The following ARHGAP10 variants were observed in gnomAD, a reference collection of about 807,000 sequenced individuals.
ARHGAP10 encodes rho GTPase-activating protein 10.
ARHGAP10 carries 87 observed loss-of-function variants against 108.6 expected under a neutral mutation model. That is an observed-to-expected ratio of 0.80 (90% CI 0.67 to 0.96). ARHGAP10 has a LOEUF of 0.96. Ranked by LOEUF, ARHGAP10 falls within the 40% of genes least tolerant of loss-of-function variation. The pLI, the probability that ARHGAP10 is intolerant of heterozygous loss-of-function variation, is 0.00. For synonymous variants in ARHGAP10, 347 were observed against 341.1 expected (o/e 1.02, Z -0.19); for missense variants, 939 against 954.5 (o/e 0.98, Z 0.21).
chr4:147,812,273 T>A (rs917884767), intron 1 of ARHGAP10, among the ~76,000 whole-genome samples: 13 of 152,156 alleles, frequency 8.5e-5, no homozygotes, highest in Non-Finnish European at 7.4e-5. Flanking sequence ...ATGGGGTACT[T>A]GGTTACATAT....
chr4:147,777,535 G>A (rs1418982549), intron 1 of ARHGAP10, among the ~76,000 whole-genome samples: 2 of 152,116 alleles, frequency 1.3e-5, no homozygotes, highest in South Asian at 2.1e-4. Context: ...GATTACAGGC[G>A]TGAGCCACCA....
chr4:148,018,643 T>A (rs1042510785), intron 18 of ARHGAP10, among the ~76,000 whole-genome samples: 3 of 151,958 alleles, frequency 2.0e-5, no homozygotes, highest in Non-Finnish European at 4.4e-5. Flanking sequence ...AGGTAATGCA[T>A]TCTCAGAACA....
rs1399539886 is a variant in ARHGAP10, at chr4:147,879,317, G to A, written c.918G>A (p.Glu306=). The A allele has an allele frequency of 6.8e-6, 11 of 1,613,702 alleles. No individual in the cohort carries two copies. The highest frequency in any genetic ancestry group is 1.7e-5 in the Admixed American group (1 of 59,990). The stretch of plus-strand genomic sequence containing the variant: ...AGAAGTTCAACATGATCCCATTTGA[G>A]CACAGATCTGGAGGGAAACTTGTAA... ...AAKKFNMIPF[E]HRSGGKLGDG... is the part of the protein sequence containing the mutation. Residue 306 remains glutamate, a synonymous_variant, in exon 9 of 23, where the codon GAG becomes GAA. Transcript: ENST00000336498.
At chr4:148,012,492 T>G (rs1418307604) in intron 18 of ARHGAP10, among the ~76,000 whole-genome samples, 3 of 152,194 alleles carry the variant, frequency 2.0e-5, no homozygotes, top group Non-Finnish European at 4.4e-5. Flanking sequence ...TAGACTTAAG[T>G]TGACAGGAGT....
In ARHGAP10 at chr4:147,966,845, A is replaced by AT. The variant is rs576485855; in HGVS notation, c.1716+16dup. 1.5e-3 allele frequency: 2,291 copies of AT among 1,500,384 alleles called. No individual in the cohort carries two copies. The highest frequency in any genetic ancestry group is 4.5e-3 in the South Asian group (348 of 77,422). 92.9% of individuals were successfully genotyped at this position (1,500,384 alleles called of 1,614,324 possible). A position where few individuals can be genotyped will look rare whatever the true frequency, so the allele number is the denominator to read the frequency against. On this transcript the variant is annotated splice_region_variant and intron_variant, in intron 18 of 22. Coordinates refer to ENST00000336498, the MANE Select transcript of ARHGAP10 (RefSeq NM_024605.4). ...TAATTGAAAACCATGAAAAGGTAAA[A>AT]TTTTTTTTTTCTTTAAGAGACTTTG...
intron 5 of ARHGAP10, among the ~76,000 whole-genome samples, chr4:147,859,882 T>A (rs1328580989): frequency 2.0e-5 from 3 of 152,250 alleles, no homozygotes; most frequent in African/African-American, 7.2e-5. Context: ...ATACACTTTT[T>A]AATCTTGCTC....
chr4:147,846,018 T>G (rs867527705), intron 3 of ARHGAP10, among the ~76,000 whole-genome samples: 8 of 152,216 alleles, frequency 5.3e-5, no homozygotes, highest in Middle Eastern at 3.2e-3. Flanking sequence ...TTGTTGCTCT[T>G]AATTCTTTCT....
chr4:147,941,074 G>T (rs915923607), intron 14 of ARHGAP10, among the ~76,000 whole-genome samples: 3 of 152,168 alleles, frequency 2.0e-5, no homozygotes, highest in African/African-American at 7.2e-5. Context: ...AGAATTTAAT[G>T]GGAGTACAGC....
chr4:147,909,884 A>G (rs1027260877), intron 12 of ARHGAP10, 107 bp downstream of exon 12: 22 of 1,066,406 alleles, frequency 2.1e-5, no homozygotes, highest in Non-Finnish European at 2.8e-5. Context: ...TGCACCCTCT[A>G]TTAGACAGAG....
chr4:147,938,732 T>C (rs1161281977), intron 13 of ARHGAP10, among the ~76,000 whole-genome samples: 1 of 152,210 alleles, frequency 6.6e-6, no homozygotes, highest in Non-Finnish European at 1.5e-5. Context: ...TTATTCTGTT[T>C]TGGAAACTTT....
rs1345577622 is a variant in ARHGAP10 at position 147,873,685 on chromosome 4, C to CACACACACACACAA, written c.703-1323_703-1322insAACACACACACACA. Among the ~76,000 whole-genome samples the CACACACACACACAA allele has an allele frequency of 2.8e-4, 37 of 133,510 alleles. 1 individual carries two copies. The East Asian group carries it at 6.5e-3, about 24-fold the overall frequency. 87.6% of individuals were successfully genotyped at this position (133,510 alleles called of 152,430 possible). A position where few individuals can be genotyped will look rare whatever the true frequency, so the allele number is the denominator to read the frequency against. Reference sequence around the variant, plus strand: ...CTACAAAAAAACAAAAAACAAAACACACACACACACACACACACACACACA... The same window carrying CACACACACACACAA: ...CTACAAAAAAACAAAAAACAAAACACACACACACACACAAACACACACACACACACACACACACA... On this transcript the variant is annotated intron_variant, in intron 7 of 22. Coordinates refer to ENST00000336498, the MANE Select transcript of ARHGAP10 (RefSeq NM_024605.4).
rs139446897 is a variant in ARHGAP10 at position 148,064,608 on chromosome 4, C to T, written c.2272+101C>T. The T allele has an allele frequency of 4.0e-4, 401 of 1,005,080 alleles. 1 individual carries two copies. The African/African-American group carries it at 5.4e-3, about 14-fold the overall frequency. The allele number at this position is 1,005,080 out of a possible 1,614,324, so 62.3% of individuals were successfully genotyped here. A position where few individuals can be genotyped will look rare whatever the true frequency, so the allele number is the denominator to read the frequency against. On this transcript the variant is annotated intron_variant, in intron 22 of 22. Coordinates refer to ENST00000336498, the MANE Select transcript of ARHGAP10 (RefSeq NM_024605.4). ...AGCGATGGTGCTGTTGTCGGGAGGG[C>T]GAGTCTCCCCCTTGATGCTTTGGAC...
At chr4:148,004,595 C>T (rs1447909031) in intron 18 of ARHGAP10, among the ~76,000 whole-genome samples, 12 of 152,202 alleles carry the variant, frequency 7.9e-5, no homozygotes, top group Non-Finnish European at 4.4e-5. Context: ...GAGAGGGCCA[C>T]GTGGCAGGAA....
At chr4:147,792,105 G>C (rs373450381) in intron 1 of ARHGAP10, among the ~76,000 whole-genome samples, 75 of 152,286 alleles carry the variant, frequency 4.9e-4, no homozygotes, top group African/African-American at 1.8e-3. Flanking sequence ...ACCTTTACTC[G>C]ATAGTACACA....
intron 7 of ARHGAP10, among the ~76,000 whole-genome samples, chr4:147,868,593 A>G (rs935693547): frequency 6.6e-6 from 1 of 152,160 alleles, no homozygotes; most frequent in Non-Finnish European, 1.5e-5. Flanking sequence ...ATGTAAAAAG[A>G]ACAGTAGATA....
Position 148,006,011 on chromosome 4 carries a change from G to A in ARHGAP10, c.1717-17252G>A, listed in dbSNP as rs113444215. 7.2e-5 allele frequency among the ~76,000 whole-genome samples: 11 copies of A among 152,318 alleles called. 1 individual carries two copies. The highest frequency in any genetic ancestry group is 2.6e-4 in the African/African-American group (11 of 41,578). Reference sequence around the variant, plus strand: ...CTTCCGCAGAGATATGGGGGTCTAAGTATCTCTTTCCCTTAAACCTGAGTA... The same window carrying A: ...CTTCCGCAGAGATATGGGGGTCTAAATATCTCTTTCCCTTAAACCTGAGTA... On this transcript the variant is annotated intron_variant, in intron 18 of 22. Transcript: ENST00000336498.
At chr4:147,858,196 T>C (rs1734171718) in intron 5 of ARHGAP10, 1 of 152,232 alleles carries the variant, frequency 6.6e-6, no homozygotes, top group Non-Finnish European at 1.5e-5. Context: ...ATTTTCTCTT[T>C]GTTTACTTCT....
At chr4:147,861,427 C>G (rs1213084129) in intron 5 of ARHGAP10, 1 of 152,630 alleles carries the variant, frequency 6.6e-6, no homozygotes, top group African/African-American at 2.4e-5. Context: ...CAGCTCTTCT[C>G]TCCTTCTCGT....
chr4:147,857,648 A>G lies in ARHGAP10; in HGVS notation c.480A>G (p.Leu160=). ...CAGCAAAAAAGAAAGACTCACATTT[A>G]CAAGAGGTATAATTTTTTATTTTTC... ...NLSAKKKDSH[L]QEADIQVEQN... is the part of the protein sequence containing the mutation. The change falls in exon 5 of 23, where the codon TTA becomes TTG. Residue 160 remains leucine, a synonymous_variant. Transcript: ENST00000336498. 6.8e-7 allele frequency: 1 copy of G among 1,477,444 alleles called. No homozygotes were observed. Among genetic ancestry groups the G allele is most frequent in the East Asian group, 2.5e-5 (1 of 39,370 alleles). 91.5% of individuals were successfully genotyped at this position (1,477,444 alleles called of 1,614,324 possible). A position where few individuals can be genotyped will look rare whatever the true frequency, so the allele number is the denominator to read the frequency against.
Sources: gnomAD v4.1 joint callset for allele counts (sites outside exome capture counted in the v4.1 genomes callset) on GRCh38, gnomAD v4.1.1 for gene constraint, MANE v1.5 for transcripts, NCBI Gene and HGNC (gene_info 2026-07-23, HGNC 2026-07-21) for gene names.